TCF12: variants seen among roughly 807,000 people sequenced by gnomAD.
TCF12 encodes transcription factor 12, also known as DNA-binding protein HTF4.
Under a neutral mutation model 86.0 loss-of-function variants are expected in TCF12, and 45 were observed. The ratio of observed to expected loss-of-function variants is 0.52; its 90% CI spans 0.41 to 0.67. TCF12 has a LOEUF of 0.67. Among genes scored for constraint, TCF12 ranks in the 30% least tolerant of loss-of-function variants. The pLI, the probability that TCF12 is intolerant of heterozygous loss-of-function variation, is 0.00. For synonymous variants in TCF12, 330 were observed against 299.6 expected (o/e 1.10, Z -1.05); for missense variants, 881 against 859.9 (o/e 1.02, Z -0.31).
At chr15:56,990,355 C>T (rs1193819122) in intron 3 of TCF12, among the ~76,000 whole-genome samples, 2 of 151,678 alleles carry the variant, frequency 1.3e-5, no homozygotes, top group African/African-American at 4.8e-5. Context: ...CCTAACAAGA[C>T]GATACAAAAT....
At chr15:57,232,577 A>G (rs2059186277) in intron 10 of TCF12, 135 bp from the exon 11 acceptor site, 1 of 1,448,962 alleles carries the variant, frequency 6.9e-7, no homozygotes, top group Non-Finnish European at 9.3e-7. Context: ...GCCTTTCTAA[A>G]AAATAAATGA....
intron 5 of TCF12, among the ~76,000 whole-genome samples, chr15:57,164,674 T>G (rs188021340): frequency 4.5e-4 from 69 of 152,100 alleles, no homozygotes; most frequent in Non-Finnish European, 8.5e-4. Flanking sequence ...AATAAGAATT[T>G]TTTTTTCTTT....
chr15:57,009,391 A>G (rs2064684049), intron 3 of TCF12, among the ~76,000 whole-genome samples: 1 of 152,164 alleles, frequency 6.6e-6, no homozygotes, highest in Non-Finnish European at 1.5e-5. Context: ...GATTACAGGT[A>G]TGAACCACTG....
At chr15:57,217,795 T>A (rs2058393217) in intron 8 of TCF12, among the ~76,000 whole-genome samples, 1 of 152,202 alleles carries the variant, frequency 6.6e-6, no homozygotes, top group South Asian at 2.1e-4. Context: ...TATGGAAGAC[T>A]AAAATTTACT....
chr15:57,123,982 A>AAAAAAAAAAAAAT (rs1555511574), intron 5 of TCF12, among the ~76,000 whole-genome samples: 1 of 111,212 alleles, frequency 9.0e-6, no homozygotes, highest in African/African-American at 3.0e-5. Context: ...AAAAAAAAAA[A>AAAAAAAAAAAAAT]TTTTTTTTTT....
intron 3 of TCF12, among the ~76,000 whole-genome samples, chr15:56,971,525 G>C (rs1470114641): frequency 1.3e-5 from 2 of 152,136 alleles, no homozygotes; most frequent in Non-Finnish European, 2.9e-5. Context: ...CTGAACTACT[G>C]TTTCAGGTTT....
intron 3 of TCF12, among the ~76,000 whole-genome samples, chr15:57,021,269 T>G (rs1231014462): frequency 6.6e-6 from 1 of 152,162 alleles, no homozygotes; most frequent in East Asian, 1.9e-4. Flanking sequence ...TGTTTCTAGC[T>G]TCGAGGGCCA....
chr15:57,069,801 A>G (rs1275779506), intron 4 of TCF12, among the ~76,000 whole-genome samples: 1 of 152,220 alleles, frequency 6.6e-6, no homozygotes, highest in African/African-American at 2.4e-5. Context: ...GAAAAGAGAG[A>G]GGAGAAAGGT....
chr15:57,172,266 G>A (rs184382638), intron 6 of TCF12, among the ~76,000 whole-genome samples: 142 of 152,316 alleles, frequency 9.3e-4, no homozygotes, highest in Non-Finnish European at 4.0e-4. Flanking sequence ...GAATTAAAGA[G>A]AGAGATAAAC....
rs926872598 is a variant in TCF12 at position 57,055,140 on chromosome 15, C to G, written c.149-8610C>G. Among the ~76,000 whole-genome samples, 10 of 152,260 alleles carry G rather than the reference C, an allele frequency of 6.6e-5. No individual in the cohort carries two copies. The South Asian group carries it at 8.3e-4, about 13-fold the overall frequency. The stretch of plus-strand genomic sequence containing the variant: ...CCTGGGCCAGGTGCGTTGGATCACA[C>G]CTGTAATCCCAGCACTTTGGGAGGC... On this transcript the variant is annotated intron_variant, in intron 3 of 20. Coordinates refer to ENST00000333725, the MANE Select transcript of TCF12 (RefSeq NM_207037.2).
intron 5 of TCF12, among the ~76,000 whole-genome samples, chr15:57,124,584 C>T (rs2051492251): frequency 6.6e-6 from 1 of 152,186 alleles, no homozygotes; most frequent in Non-Finnish European, 1.5e-5. Flanking sequence ...AGCCACATTC[C>T]AGAAGTCCTT....
chr15:57,006,393 C>T (rs1405567854), intron 3 of TCF12, among the ~76,000 whole-genome samples: 3 of 152,018 alleles, frequency 2.0e-5, no homozygotes, highest in Non-Finnish European at 2.9e-5. Context: ...TAACCTCTGC[C>T]TCCTGGGTTC....
Position 57,286,715 on chromosome 15 carries a change from T to C in TCF12, c.*570T>C. 2.2e-6 allele frequency: 1 copy of C among 454,282 alleles called. No homozygotes were observed. Among genetic ancestry groups the C allele is most frequent in the African/African-American group, 2.0e-5 (1 of 50,038 alleles). The allele number at this position is 454,282 out of a possible 1,614,324, so 28.1% of individuals were successfully genotyped here. On this transcript the variant is annotated 3_prime_UTR_variant, in exon 21 of 21. Coordinates refer to ENST00000333725, the MANE Select transcript of TCF12 (RefSeq NM_207037.2). The stretch of plus-strand genomic sequence containing the variant: ...GGAAAAGTCTTTTGTTGCCCTCTCC[T>C]ATCCTCTTGCCATATGAATAGCGTT...
At chr15:57,090,714 T>A (rs2048938609) in intron 4 of TCF12, among the ~76,000 whole-genome samples, 1 of 152,170 alleles carries the variant, frequency 6.6e-6, no homozygotes, top group Non-Finnish European at 1.5e-5. Flanking sequence ...CCGGGGATTC[T>A]GGGTGGTTTC....
chr15:57,274,813 A>C (rs1397189907), intron 19 of TCF12, among the ~76,000 whole-genome samples: 1 of 152,150 alleles, frequency 6.6e-6, no homozygotes, highest in Non-Finnish European at 1.5e-5. Context: ...AGTACACAGC[A>C]CCTTTTCCTC....
intron 5 of TCF12, among the ~76,000 whole-genome samples, chr15:57,136,958 G>C (rs2052566646): frequency 1.2e-5 from 1 of 83,000 alleles, no homozygotes; most frequent in Non-Finnish European, 2.2e-5. Flanking sequence ...GCTTCTGGCA[G>C]TTTTTTTTTT....
intron 3 of TCF12, among the ~76,000 whole-genome samples, chr15:57,007,792 C>CTTTT (rs1567241669): frequency 3.8e-5 from 2 of 52,536 alleles, no homozygotes; most frequent in African/African-American, 1.0e-4. Context: ...CTTTCTTTCT[C>CTTTT]TCTTTCTTTC....
chr15:57,023,191 C>T (rs1424172026), intron 3 of TCF12, among the ~76,000 whole-genome samples: 1 of 152,144 alleles, frequency 6.6e-6, no homozygotes, highest in Non-Finnish European at 1.5e-5. Flanking sequence ...ACAACATTCA[C>T]TTGTTTCATA....
chr15:57,251,205 A>G (rs1005508530), intron 13 of TCF12, 145 bp from the exon 14 acceptor site: 1 of 555,562 alleles, frequency 1.8e-6, no homozygotes. Flanking sequence ...TGTTGGGCTT[A>G]TAAGTAGCCA....
Sources: gnomAD v4.1 joint callset for allele counts (sites outside exome capture counted in the v4.1 genomes callset) on GRCh38, gnomAD v4.1.1 for gene constraint, MANE v1.5 for transcripts, NCBI Gene and HGNC (gene_info 2026-07-23, HGNC 2026-07-21) for gene names.